NRG1: variants seen among roughly 807,000 people sequenced by gnomAD.
The protein encoded by NRG1 is pro-neuregulin-1, membrane-bound isoform.
NRG1 carries 18 observed loss-of-function variants against 63.8 expected under a neutral mutation model. The observed-to-expected ratio is 0.28, with a 90% CI of 0.19 to 0.42. NRG1 has a LOEUF of 0.42. NRG1 is among the 10% of genes least tolerant of loss of function. The pLI is 1.00. For synonymous variants in NRG1, 302 were observed against 301.3 expected (o/e 1.00, Z -0.02); for missense variants, 762 against 814.7 (o/e 0.94, Z 0.79).
At chr8:31,918,500 A>G (rs1329845392) in intron 1 of NRG1, among the ~76,000 whole-genome samples, 5 of 152,234 alleles carry the variant, frequency 3.3e-5, no homozygotes, top group Non-Finnish European at 7.3e-5. Context: ...ATGCTGGATT[A>G]CATTTATTGA....
intron 1 of NRG1, among the ~76,000 whole-genome samples, chr8:32,342,360 A>C (rs1254411685): frequency 2.0e-5 from 3 of 152,214 alleles, no homozygotes; most frequent in African/African-American, 7.2e-5. Flanking sequence ...CAAAACTAAC[A>C]ATCACAAGAG....
intron 1 of NRG1, among the ~76,000 whole-genome samples, chr8:31,817,225 C>T (rs541694423): frequency 6.6e-6 from 1 of 152,310 alleles, no homozygotes; most frequent in African/African-American, 2.4e-5. Context: ...AATGTTCTCG[C>T]TAATTTGAGC....
At chr8:31,759,323 A>G (rs958895998) in intron 1 of NRG1, among the ~76,000 whole-genome samples, 1 of 152,078 alleles carries the variant, frequency 6.6e-6, no homozygotes, top group Admixed American at 6.6e-5. Context: ...TATCAAGTTT[A>G]TGATATAATC....
chr8:32,340,572 A>G (rs573362568), intron 1 of NRG1, among the ~76,000 whole-genome samples: 59 of 152,222 alleles, frequency 3.9e-4, no homozygotes, highest in Non-Finnish European at 7.8e-4. Flanking sequence ...CATACCATAT[A>G]AGTTGGCTGG....
chr8:32,287,293 C>G (rs1306657017), intron 1 of NRG1: 1 of 152,178 alleles, frequency 6.6e-6, no homozygotes, highest in Non-Finnish European at 1.5e-5. Context: ...CACAGAACAT[C>G]TGGATTCAAG....
intron 1 of NRG1, among the ~76,000 whole-genome samples, chr8:32,477,891 G>A (rs1255268365): frequency 1.3e-5 from 2 of 152,156 alleles, no homozygotes; most frequent in Non-Finnish European, 1.5e-5. Flanking sequence ...TCTTGGAAAC[G>A]ATGTTAGTAG....
intron 1 of NRG1, among the ~76,000 whole-genome samples, chr8:31,870,939 T>C (rs780276364): frequency 6.6e-6 from 1 of 151,978 alleles, no homozygotes; most frequent in African/African-American, 2.4e-5. Flanking sequence ...AAGAAAGGAG[T>C]ACGTGTTAGT....
intron 1 of NRG1, among the ~76,000 whole-genome samples, chr8:32,001,864 T>A (rs550013370): frequency 5.7e-4 from 87 of 152,042 alleles, no homozygotes; most frequent in Non-Finnish European, 1.0e-3. Context: ...CCTTGATCAC[T>A]GGGCTGAGGT....
At chr8:32,332,362 C>T (rs1197517647) in intron 1 of NRG1, among the ~76,000 whole-genome samples, 3 of 152,090 alleles carry the variant, frequency 2.0e-5, no homozygotes, top group Admixed American at 6.6e-5. Context: ...CTCAGCATTG[C>T]GTGACTTCAC....
intron 1 of NRG1, among the ~76,000 whole-genome samples, chr8:31,971,236 G>A (rs1433954888): frequency 6.6e-6 from 1 of 151,624 alleles, no homozygotes; most frequent in Non-Finnish European, 1.5e-5. Flanking sequence ...GCTTTTCATT[G>A]TCTCAACTGT....
At chr8:32,038,722 T>C (rs1222366006) in intron 1 of NRG1, among the ~76,000 whole-genome samples, 2 of 152,120 alleles carry the variant, frequency 1.3e-5, no homozygotes, top group African/African-American at 4.8e-5. Flanking sequence ...CGTATTGCTG[T>C]TACTAAGACT....
chr8:32,236,813 T>C (rs1020721845), intron 1 of NRG1, among the ~76,000 whole-genome samples: 9 of 152,302 alleles, frequency 5.9e-5, no homozygotes, highest in African/African-American at 1.7e-4. Flanking sequence ...GGCTGTCCCC[T>C]TCAGCTAATG....
chr8:32,187,730 C>T (rs913847468), intron 1 of NRG1, among the ~76,000 whole-genome samples: 1 of 150,754 alleles, frequency 6.6e-6, no homozygotes, highest in Non-Finnish European at 1.5e-5. Flanking sequence ...AGGGGTGGCG[C>T]AAAGCAGTCC....
At chr8:32,078,893 C>G (rs1243691827) in intron 1 of NRG1, among the ~76,000 whole-genome samples, 2 of 152,104 alleles carry the variant, frequency 1.3e-5, no homozygotes, top group Non-Finnish European at 2.9e-5. Flanking sequence ...TCGCGCTATT[C>G]TGTGTGTATG....
At chr8:32,646,589 A>G in intron 5 of NRG1, 3 of 653,010 alleles carry the variant, frequency 4.6e-6, no homozygotes, top group Non-Finnish European at 5.7e-6. Flanking sequence ...GATTGCTAGC[A>G]TCGATCGCTG....
At chr8:32,239,246 A>G (rs773796632) in intron 1 of NRG1, among the ~76,000 whole-genome samples, 1 of 148,986 alleles carries the variant, frequency 6.7e-6, no homozygotes, top group Non-Finnish European at 1.5e-5. Flanking sequence ...CAAAAAATGC[A>G]AAAGTAATTC....
At chr8:31,811,986 G>T (rs1822933424) in intron 1 of NRG1, among the ~76,000 whole-genome samples, 1 of 152,036 alleles carries the variant, frequency 6.6e-6, no homozygotes, top group African/African-American at 2.4e-5. Flanking sequence ...CTGCTACTTT[G>T]TAATCTAAAA....
intron 1 of NRG1, among the ~76,000 whole-genome samples, chr8:32,508,588 C>T (rs769471203): frequency 1.6e-4 from 24 of 151,708 alleles, no homozygotes; most frequent in Non-Finnish European, 2.7e-4. Flanking sequence ...TGAGCCACCG[C>T]GCCTGGCCTA....
rs75674053 is a variant in NRG1, at chr8:31,703,613, T to C, written c.37+64182T>C. Among the ~76,000 whole-genome samples the C allele has an allele frequency of 3.0e-3, 450 of 152,304 alleles. 1 individual carries two copies. The highest frequency in any genetic ancestry group is 0.01 in the African/African-American group (425 of 41,554). On this transcript the variant is annotated intron_variant, in intron 1 of 10. Coordinates refer to the NRG1 transcript ENST00000519301. ...AAATGTATGAGCTATTAGCACATAG[T>C]TGATGACCTTATAGAGAGACATTAA...
Sources: gnomAD v4.1 joint callset for allele counts (sites outside exome capture counted in the v4.1 genomes callset) on GRCh38, gnomAD v4.1.1 for gene constraint, MANE v1.5 for transcripts, NCBI Gene and HGNC (gene_info 2026-07-23, HGNC 2026-07-21) for gene names.